Variants in POLR1F observed in about 807,000 individuals in gnomAD.
The protein encoded by POLR1F is DNA-directed RNA polymerase I subunit RPA43.
In POLR1F, 23 loss-of-function variants were observed where a neutral mutation model predicts 21.8. That is an observed-to-expected ratio of 1.05 (90% CI 0.76 to 1.49). The LOEUF is 1.49. Among genes scored for constraint, POLR1F ranks in the 40% most tolerant of loss-of-function variants. POLR1F has a pLI of 0.00. For missense variants in POLR1F, 435 were observed against 412.1 expected (o/e 1.06, Z -0.48); for synonymous variants, 162 against 152.8 (o/e 1.06, Z -0.45).
In POLR1F at chr7:19,700,157, C is replaced by T. The variant is rs2128006207; in HGVS notation, c.520G>A (p.Gly174Ser). The T allele has an allele frequency of 6.2e-7, 1 of 1,613,888 alleles. No homozygotes were observed. ...EQWQTMEINM[G>S]DELEFEVFRL... Reference sequence around the variant, plus strand: ...AATACTTCAAATTCTAGTTCATCACCCATGTTTATCTCCATGGTTTGCCAC... The same window carrying T: ...AATACTTCAAATTCTAGTTCATCACTCATGTTTATCTCCATGGTTTGCCAC... Residue 174 changes from glycine to serine, a missense_variant, in exon 3 of 4, where the codon GGT becomes AGT. By Grantham distance (56) the Gly-to-Ser change is moderately conservative. Coordinates refer to ENST00000222567, the MANE Select transcript of POLR1F (RefSeq NM_001002926.2).
rs376322230 is a variant in POLR1F at position 19,698,325 on chromosome 7, A to C, written c.1008T>G (p.Asn336Lys). Residue 336 changes from asparagine to lysine, a missense_variant, in exon 4 of 4, where the codon AAT becomes AAG. Coordinates refer to ENST00000222567, the MANE Select transcript of POLR1F (RefSeq NM_001002926.2). ...TCGTGTTTAAAATACACTAAAGAAA[A>C]TTACTTTTCCCTTTTCTTTTTGGTG... ...KCSPKRKGKS[N>K]FL is the part of the protein sequence containing the mutation. 1 of 1,559,304 alleles carries C rather than the reference A, an allele frequency of 6.4e-7. No individual in the cohort carries two copies. The highest frequency in any genetic ancestry group is 8.6e-7 in the Non-Finnish European group (1 of 1,162,094).
At position 19,708,832 on chromosome 7, in the gene POLR1F, C is replaced by A; in HGVS notation, c.185G>T (p.Arg62Leu). The A allele has an allele frequency of 6.2e-7, 1 of 1,614,126 alleles. No individual in the cohort carries two copies. The highest frequency in any genetic ancestry group is 1.1e-5 in the South Asian group (1 of 91,080). ...GCCGGTGCGTTTCCTGTTAAGGTAG[C>A]GGGGCGACAGCGCGATGTGCCTTTG... ...PHQRHIALSP[R>L]YLNRKRTGIR... Residue 62 changes from arginine to leucine, a missense_variant, in exon 1 of 4, where the codon CGC becomes CTC. By Grantham distance (102) the Arg-to-Leu change is moderately radical (BLOSUM62 -2). Transcript: ENST00000222567.
At chr7:19,707,644 G>A (rs899956510) in intron 1 of POLR1F, among the ~76,000 whole-genome samples, 4 of 152,006 alleles carry the variant, frequency 2.6e-5, no homozygotes, top group Non-Finnish European at 5.9e-5. Flanking sequence ...GTTCTCAAAG[G>A]TCCCAAGATC....
intron 2 of POLR1F, among the ~76,000 whole-genome samples, chr7:19,704,213 T>C (rs562869489): frequency 2.0e-4 from 31 of 152,296 alleles, no homozygotes; most frequent in African/African-American, 7.0e-4. Context: ...AACATGTGTA[T>C]ACACACAGAG....
At chr7:19,706,954 T>G (rs191364908) in intron 1 of POLR1F, among the ~76,000 whole-genome samples, 59 of 152,326 alleles carry the variant, frequency 3.9e-4, no homozygotes, top group Admixed American at 1.0e-3. Flanking sequence ...CATACCCAAG[T>G]AATATGGAAG....
Position 19,706,257 on chromosome 7 carries a change from G to C in POLR1F, c.255-1337C>G, listed in dbSNP as rs547563088. On this transcript the variant is annotated intron_variant, in intron 1 of 3. Coordinates refer to ENST00000222567, the MANE Select transcript of POLR1F (RefSeq NM_001002926.2). The stretch of plus-strand genomic sequence containing the variant: ...GCAATTTTCTGAGGTTTTAATTTCC[G>C]CATGTGGCATTCCTAAGCTGGAATC... Among the ~76,000 whole-genome samples, 4 of 152,220 alleles carry C rather than the reference G, an allele frequency of 2.6e-5. No individual in the cohort carries two copies. The East Asian group carries it at 7.7e-4, about 29-fold the overall frequency.
chr7:19,708,619 G>T, intron 1 of POLR1F, 144 bp downstream of exon 1: 2 of 1,135,696 alleles, frequency 1.8e-6, no homozygotes, highest in Admixed American at 2.3e-5. Context: ...CTTGAGGGAC[G>T]GATCGCGACT....
At chr7:19,701,835 T>C (rs1253569819) in intron 2 of POLR1F, among the ~76,000 whole-genome samples, 2 of 152,066 alleles carry the variant, frequency 1.3e-5, no homozygotes, top group African/African-American at 4.8e-5. Context: ...GTGTGTGGAC[T>C]CAGAGCTTCT....
At chr7:19,707,110 A>T (rs1166317769) in intron 1 of POLR1F, among the ~76,000 whole-genome samples, 2 of 152,110 alleles carry the variant, frequency 1.3e-5, no homozygotes, top group African/African-American at 4.8e-5. Context: ...TAATTTCTCA[A>T]ATCCATCCTC....
In POLR1F at chr7:19,696,529, T is replaced by A. The variant is rs927001032; in HGVS notation, c.*1787A>T. ...AAATTTCTATATTGTCAAACATGAT[T>A]GTATACTCAAATTTTAAAATGTGAA... On this transcript the variant is annotated 3_prime_UTR_variant, in exon 4 of 4. Transcript: ENST00000222567. The A allele has an allele frequency of 1.3e-5, 2 of 152,074 alleles. No homozygotes were observed. The highest frequency in any genetic ancestry group is 4.8e-5 in the African/African-American group (2 of 41,440). The allele number at this position is 152,074 out of a possible 1,614,324, so 9.4% of individuals were successfully genotyped here. A position where few individuals can be genotyped will look rare whatever the true frequency, so the allele number is the denominator to read the frequency against.
chr7:19,708,862 G>A lies in POLR1F; in HGVS notation c.155C>T (p.Pro52Leu). 2 of 1,614,190 alleles carry A rather than the reference G, an allele frequency of 1.2e-6. No individual in the cohort carries two copies. Among genetic ancestry groups the A allele is most frequent in the South Asian group, 2.2e-5 (2 of 91,082 alleles). Residue 52 changes from proline to leucine, a missense_variant, in exon 1 of 4, where the codon CCG becomes CTG. Coordinates refer to ENST00000222567, the MANE Select transcript of POLR1F (RefSeq NM_001002926.2). Reference protein sequence around the residue: ...NSRYSCLVAGPHQRHIALSPR... With the variant: ...NSRYSCLVAGLHQRHIALSPR... ...CGACAGCGCGATGTGCCTTTGGTGC[G>A]GCCCGGCCACCAGGCATGAGTAGCG...
chr7:19,699,896 AG>A (rs1314995425), intron 3 of POLR1F, among the ~76,000 whole-genome samples, 175 bp downstream of exon 3: 1 of 152,212 alleles, frequency 6.6e-6, no homozygotes, highest in African/African-American at 2.4e-5. Flanking sequence ...GCACTGTTAC[AG>A]ATTACTTAAG....
Position 19,704,858 on chromosome 7 carries a change from T to G in POLR1F, c.317A>C (p.Tyr106Ser). ...AAGATGAATGTGTCCTTGATCATCA[T>G]AAATATCTCCAAGCTCTCCCACAAC... ...IKVVGELGDI[Y>S]DDQGHIHLNI... The change falls in exon 2 of 4, where the codon TAT becomes TCT. Residue 106 changes from tyrosine (Y) to serine (S), a missense_variant. Transcript: ENST00000222567. The G allele has an allele frequency of 6.2e-7, 1 of 1,608,864 alleles. No homozygotes were observed. The highest frequency in any genetic ancestry group is 8.5e-7 in the Non-Finnish European group (1 of 1,178,036).
rs1783429115 is a variant in POLR1F, at chr7:19,700,071, C to A, written c.605+1G>T. 6.2e-7 allele frequency: 1 copy of A among 1,609,956 alleles called. No homozygotes were observed. The highest frequency in any genetic ancestry group is 8.5e-7 in the Non-Finnish European group (1 of 1,176,512). On this transcript the variant is annotated splice_donor_variant, in intron 3 of 3. Coordinates refer to ENST00000222567, the MANE Select transcript of POLR1F (RefSeq NM_001002926.2). LOFTEE classifies it high-confidence loss of function. ...TGATAATTACGTAATGATAAACTAA[C>A]CTTGTGATATTTAGTTTTCCCCGAA...
chr7:19,707,447 C>T (rs887047994), intron 1 of POLR1F, among the ~76,000 whole-genome samples: 5 of 152,206 alleles, frequency 3.3e-5, no homozygotes, highest in Admixed American at 1.3e-4. Flanking sequence ...TCTGAGTCAT[C>T]TTTGACCCCC....
rs1783396934 is a variant in POLR1F at position 19,698,198 on chromosome 7, A to C, written c.*118T>G. On this transcript the variant is annotated 3_prime_UTR_variant, in exon 4 of 4. Coordinates refer to ENST00000222567, the MANE Select transcript of POLR1F (RefSeq NM_001002926.2). ...CATATAAAGCCTCCTACTCCTAGTT[A>C]AGTATTTTCTGTTTTGTAAACTACT... 1 of 889,210 alleles carries C rather than the reference A, an allele frequency of 1.1e-6. No individual in the cohort carries two copies. The highest frequency in any genetic ancestry group is 1.6e-6 in the Non-Finnish European group (1 of 639,096). 55.1% of individuals were successfully genotyped at this position (889,210 alleles called of 1,614,324 possible).
chr7:19,706,777 AT>A (rs1783531358), intron 1 of POLR1F, among the ~76,000 whole-genome samples: 1 of 152,224 alleles, frequency 6.6e-6, no homozygotes, highest in African/African-American at 2.4e-5. Context: ...CCAACACTAT[AT>A]ACTTTTTCCT....
In POLR1F at chr7:19,698,556, T is replaced by C. The variant is rs1184511242; in HGVS notation, c.777A>G (p.Ser259=). 1.2e-6 allele frequency: 2 copies of C among 1,612,434 alleles called. No homozygotes were observed. Among genetic ancestry groups the C allele is most frequent in the Non-Finnish European group, 8.5e-7 (1 of 1,179,562 alleles). The change falls in exon 4 of 4, where the codon TCA becomes TCG. Residue 259 remains serine (S), a synonymous_variant. Coordinates refer to ENST00000222567, the MANE Select transcript of POLR1F (RefSeq NM_001002926.2). ...DDADDTPMEE[S]ALQNTNNANG... is the part of the protein sequence containing the mutation. ...TCGCATTATTAGTATTCTGCAGGGC[T>C]GACTCTTCCATTGGAGTGTCATCTG...
intron 1 of POLR1F, among the ~76,000 whole-genome samples, chr7:19,706,946 T>C (rs1783534227): frequency 6.6e-6 from 1 of 152,198 alleles, no homozygotes; most frequent in African/African-American, 2.4e-5. Flanking sequence ...ATAAACAGCA[T>C]ACCCAAGTAA....
Sources: allele counts gnomAD v4.1 joint callset (sites outside exome capture counted in the v4.1 genomes callset), GRCh38; gene constraint gnomAD v4.1.1; transcripts MANE v1.5; gene names NCBI Gene and HGNC (gene_info 2026-07-23, HGNC 2026-07-21).